The following AADAT variants were observed in gnomAD, a reference collection of about 807,000 sequenced individuals.
AADAT encodes aminoadipate aminotransferase.
Under a neutral mutation model 56.2 loss-of-function variants are expected in AADAT, and 25 were observed. That is an observed-to-expected ratio of 0.44 (90% CI 0.32 to 0.62). The LOEUF (loss-of-function observed/expected upper bound fraction) is 0.62. Ranked by LOEUF, AADAT falls within the 20% of genes least tolerant of loss-of-function variation. AADAT has a pLI of 0.04. For missense variants in AADAT, 387 were observed against 510.5 expected (o/e 0.76, Z 2.33); for synonymous variants, 173 against 164.7 (o/e 1.05, Z -0.39).
Position 170,073,457 on chromosome 4 carries a change from T to C in AADAT, c.445-112A>G, listed in dbSNP as rs1581581105. On this transcript the variant is annotated intron_variant, in intron 4 of 12. Coordinates refer to ENST00000337664, the MANE Select transcript of AADAT (RefSeq NM_016228.4). The stretch of plus-strand genomic sequence containing the variant: ...TTGCTCATTCATACCCTTAAAAATA[T>C]ATAAACCCGCAACCAGCTCTGAGCT... 1.4e-5 allele frequency: 13 copies of C among 918,998 alleles called. No individual in the cohort carries two copies. The East Asian group carries it at 3.4e-4, about 24-fold the overall frequency. 56.9% of individuals were successfully genotyped at this position (918,998 alleles called of 1,614,324 possible).
intron 3 of AADAT, among the ~76,000 whole-genome samples, chr4:170,081,178 A>G (rs1246846813): frequency 1.3e-5 from 2 of 152,202 alleles, no homozygotes; most frequent in South Asian, 2.1e-4. Flanking sequence ...TGAACTGAGG[A>G]ACTCATTAGA....
intron 5 of AADAT, 132 bp from the exon 6 acceptor site, chr4:170,070,784 C>T (rs898241040): frequency 8.1e-6 from 5 of 618,132 alleles, no homozygotes; most frequent in African/African-American, 7.5e-5. Flanking sequence ...TTGTCTTAGA[C>T]AACGAGGATA....
At chr4:170,086,466 A>G (rs1357253788) in intron 3 of AADAT, among the ~76,000 whole-genome samples, 1 of 151,956 alleles carries the variant, frequency 6.6e-6, no homozygotes, top group Non-Finnish European at 1.5e-5. Context: ...AGAGAAATAC[A>G]CCCAAGAGGG....
upstream of AADAT, among the ~76,000 whole-genome samples, chr4:170,091,296 C>T (rs370299143): frequency 5.5e-4 from 83 of 152,262 alleles, no homozygotes; most frequent in African/African-American, 1.9e-3. Context: ...TCCGGGTGGG[C>T]GTGGGCTTGG....
upstream of AADAT, among the ~76,000 whole-genome samples, chr4:170,093,749 C>T (rs1454814811): frequency 1.3e-5 from 2 of 152,068 alleles, no homozygotes; most frequent in Admixed American, 6.5e-5. Context: ...GTGAACACCA[C>T]TACACCAGGA....
intron 11 of AADAT, among the ~76,000 whole-genome samples, chr4:170,063,100 A>G (rs1209245180): frequency 6.6e-6 from 1 of 152,134 alleles, no homozygotes; most frequent in African/African-American, 2.4e-5. Context: ...GATTTGGAGT[A>G]CTCTGGGCAA....
At chr4:170,069,341 A>C (rs1731649334) in intron 6 of AADAT, 111 bp from the exon 7 acceptor site, 1 of 752,868 alleles carries the variant, frequency 1.3e-6, no homozygotes, top group Admixed American at 2.9e-5. Context: ...CAACAGTACA[A>C]ATATTCTCTT....
chr4:170,078,454 A>G, intron 4 of AADAT, 55 bp downstream of exon 4: 1 of 1,020,170 alleles, frequency 9.8e-7, no homozygotes, highest in South Asian at 1.6e-5. Context: ...CTTTATTATA[A>G]GTTTTCTTCT....
chr4:170,070,309 ACT>A (rs1225162557), intron 6 of AADAT, among the ~76,000 whole-genome samples: 5 of 152,038 alleles, frequency 3.3e-5, no homozygotes, highest in Non-Finnish European at 7.4e-5. Flanking sequence ...GCCCTGATTT[ACT>A]CTGTTTGTCC....
At chr4:170,065,828 T>C (rs538075042) in intron 10 of AADAT, among the ~76,000 whole-genome samples, 4 of 152,274 alleles carry the variant, frequency 2.6e-5, no homozygotes, top group Admixed American at 1.3e-4. Flanking sequence ...CAAGACTTTA[T>C]AGAAAATAAG....
chr4:170,089,493 C>A, intron 1 of AADAT, 131 bp downstream of exon 1: 2 of 972,232 alleles, frequency 2.1e-6, no homozygotes, highest in Middle Eastern at 4.4e-4. Flanking sequence ...GCACGCAGAG[C>A]CTGGCTCACC....
At chr4:170,062,112 T>A in intron 11 of AADAT, 119 bp from the exon 12 acceptor site, 2 of 564,412 alleles carry the variant, frequency 3.5e-6, no homozygotes, top group Non-Finnish European at 5.8e-6. Flanking sequence ...GTTAAAGAAA[T>A]CACAAGAAAA....
intron 3 of AADAT, among the ~76,000 whole-genome samples, chr4:170,079,710 T>C (rs754286261): frequency 6.6e-6 from 1 of 152,006 alleles, no homozygotes; most frequent in Non-Finnish European, 1.5e-5. Flanking sequence ...TGGAACTAGA[T>C]AGATGGTGGG....
rs1269735608 is a variant in AADAT, at chr4:170,070,619, C to T, written c.688G>A (p.Asp230Asn). The change falls in exon 6 of 13, where the codon GAT becomes AAT. Residue 230 changes from aspartate (D) to asparagine (N), a missense_variant. Asp to Asn is a conservative substitution (Grantham distance 23, BLOSUM62 1). Coordinates refer to ENST00000337664, the MANE Select transcript of AADAT (RefSeq NM_016228.4). Reference protein sequence around the residue: ...ARKYDFLIIEDDPYYFLQFNK... With the variant: ...ARKYDFLIIENDPYYFLQFNK... ...AACTGGAGAAAATAGTAAGGATCAT[C>T]TTCTATTATGAGGAAATCATATTTT... is the stretch of plus-strand genomic sequence containing the variant. 3 of 1,581,088 alleles carry T rather than the reference C, an allele frequency of 1.9e-6. No individual in the cohort carries two copies. The highest frequency in any genetic ancestry group is 1.7e-6 in the Non-Finnish European group (2 of 1,155,432).
Position 170,088,545 on chromosome 4 carries a change from T to A in AADAT, c.87A>T (p.Gly29=). 1 of 1,612,712 alleles carries A rather than the reference T, an allele frequency of 6.2e-7. No individual in the cohort carries two copies. The highest frequency in any genetic ancestry group is 1.1e-5 in the South Asian group (1 of 91,000). ...CAGCCAAGGAGATCATCGATTTTGG[T>A]CCTCTGCTCAATATGTCAGCTACAA... The part of the protein sequence containing the change: ...IRTMTDILSR[G]PKSMISLAGG... Residue 29 remains glycine, a synonymous_variant, in exon 2 of 13, where the codon GGA becomes GGT. Coordinates refer to ENST00000337664, the MANE Select transcript of AADAT (RefSeq NM_016228.4).
chr4:170,076,994 C>G (rs1732068849), intron 4 of AADAT, among the ~76,000 whole-genome samples: 1 of 152,154 alleles, frequency 6.6e-6, no homozygotes, highest in South Asian at 2.1e-4. Context: ...GATCTTGGCA[C>G]CCTTACTGAA....
intron 11 of AADAT, among the ~76,000 whole-genome samples, chr4:170,063,308 G>A (rs1731286090): frequency 6.6e-6 from 1 of 152,140 alleles, no homozygotes; most frequent in Non-Finnish European, 1.5e-5. Context: ...AGATTATTTA[G>A]AAAAGGTAAA....
At chr4:170,072,781 G>A (rs567512769) in intron 5 of AADAT, among the ~76,000 whole-genome samples, 5 of 152,230 alleles carry the variant, frequency 3.3e-5, no homozygotes, top group Admixed American at 2.0e-4. Context: ...GGTAACCTAA[G>A]ATGACAAGGA....
chr4:170,074,553 G>A (rs1312404011), intron 4 of AADAT, among the ~76,000 whole-genome samples: 1 of 152,104 alleles, frequency 6.6e-6, no homozygotes, highest in Non-Finnish European at 1.5e-5. Context: ...GTCACAAGCA[G>A]AGGTGATATT....
Sources: allele counts gnomAD v4.1 joint callset (sites outside exome capture counted in the v4.1 genomes callset), GRCh38; gene constraint gnomAD v4.1.1; transcripts MANE v1.5; gene names NCBI Gene and HGNC (gene_info 2026-07-23, HGNC 2026-07-21).